Variants in MTHFD1 observed in about 807,000 individuals in gnomAD.
The protein encoded by MTHFD1 is methylenetetrahydrofolate dehydrogenase, cyclohydrolase and formyltetrahydrofolate synthetase 1, also known as C-1-tetrahydrofolate synthase, cytoplasmic.
A neutral mutation model predicts 110.3 loss-of-function variants in MTHFD1; 44 were observed. That is an observed-to-expected ratio of 0.40 (90% confidence interval 0.31 to 0.51). The LOEUF (loss-of-function observed/expected upper bound fraction) is 0.51. MTHFD1 is among the 20% of genes least tolerant of loss of function. MTHFD1 has a pLI of 0.60. For missense variants in MTHFD1, 909 were observed against 1,173.1 expected, an observed-to-expected ratio of 0.77 and a Z score of 3.29; for synonymous variants, 402 against 428.8, an observed-to-expected ratio of 0.94 and a Z score of 0.77.
chr14:64,418,081 A>C, intron 7 of MTHFD1, 57 bp downstream of exon 7: 1 of 1,603,254 alleles, frequency 6.2e-7, no homozygotes, highest in Non-Finnish European at 8.5e-7. Context: ...GGTGTGCCAG[A>C]GGCTGCCATG....
At chr14:64,396,350 C>T (rs190391574) in intron 1 of MTHFD1, among the ~76,000 whole-genome samples, 1 of 149,200 alleles carries the variant, frequency 6.7e-6, no homozygotes, top group African/African-American at 2.5e-5. Context: ...ATTATTTTTA[C>T]AAGGAACTAC....
At chr14:64,446,074 G>A (rs1250844728) in intron 22 of MTHFD1, among the ~76,000 whole-genome samples, 1 of 152,064 alleles carries the variant, frequency 6.6e-6, no homozygotes, top group African/African-American at 2.4e-5. Context: ...TATTTTTATA[G>A]AAGACTCTTT....
chr14:64,421,812 A>T (rs542753037), intron 8 of MTHFD1, among the ~76,000 whole-genome samples: 21 of 151,964 alleles, frequency 1.4e-4, no homozygotes, highest in Non-Finnish European at 1.5e-4. Flanking sequence ...TTTTTAGTAG[A>T]GACGGGGTTT....
intron 8 of MTHFD1, among the ~76,000 whole-genome samples, chr14:64,421,580 G>A (rs569266839): frequency 2.2e-4 from 33 of 152,044 alleles, no homozygotes; most frequent in South Asian, 4.2e-4. Context: ...GAATACTTGC[G>A]ATATGACATT....
intron 26 of MTHFD1, among the ~76,000 whole-genome samples, chr14:64,456,360 T>C (rs1174031003): frequency 6.6e-6 from 1 of 152,240 alleles, no homozygotes; most frequent in Non-Finnish European, 1.5e-5. Flanking sequence ...CTCAGATTAT[T>C]TGAATATTTT....
chr14:64,412,174 G>A (rs772582824), intron 3 of MTHFD1, among the ~76,000 whole-genome samples: 6 of 152,170 alleles, frequency 3.9e-5, no homozygotes, highest in African/African-American at 7.2e-5. Context: ...CAAAAAGGGG[G>A]AGGCAGATTT....
chr14:64,416,538 G>C (rs1475308394), intron 6 of MTHFD1, among the ~76,000 whole-genome samples: 2 of 152,088 alleles, frequency 1.3e-5, no homozygotes, highest in Non-Finnish European at 2.9e-5. Context: ...TTACTAGTTA[G>C]CACCTTGCTA....
At chr14:64,407,407 G>A (rs1291464544) in intron 2 of MTHFD1, among the ~76,000 whole-genome samples, 4 of 151,818 alleles carry the variant, frequency 2.6e-5, no homozygotes, top group East Asian at 1.9e-4. Flanking sequence ...TGAGGCTGCA[G>A]TGAGCTGTAA....
chr14:64,400,583 G>C (rs963564186), intron 1 of MTHFD1, among the ~76,000 whole-genome samples: 6 of 152,202 alleles, frequency 3.9e-5, no homozygotes, highest in Non-Finnish European at 7.3e-5. Flanking sequence ...AGCTACTCAG[G>C]AGGCTGGGGC....
At position 64,415,492 on chromosome 14, in the gene MTHFD1, TG is replaced by T. The variant is rs1463052803; in HGVS notation, c.377+1del. 1 of 1,614,174 alleles carries T rather than the reference TG, an allele frequency of 6.2e-7. No homozygotes were observed. Among genetic ancestry groups the T allele is most frequent in the Non-Finnish European group, 8.5e-7 (1 of 1,180,002 alleles). ...CTATTGCACCCGAGAAGGATGTGGA[TG>T]GGTAAGTGTGGCTTGGCTTCCTATG... ...NAIAPEKDVD[G>X]LTSINAGKLA... On this transcript the variant is annotated frameshift_variant and splice_region_variant, in exon 5 of 28. Coordinates refer to ENST00000652337, the MANE Select transcript of MTHFD1 (RefSeq NM_005956.4). LOFTEE classifies it high-confidence loss of function.
intron 22 of MTHFD1, among the ~76,000 whole-genome samples, chr14:64,447,776 C>T (rs2078305690): frequency 6.6e-6 from 1 of 152,094 alleles, no homozygotes; most frequent in South Asian, 2.1e-4. Context: ...TGTTGTTAGG[C>T]TCTGTCTTCT....
intron 19 of MTHFD1, chr14:64,441,722 G>C: frequency 1.8e-6 from 1 of 543,180 alleles, no homozygotes; most frequent in South Asian, 2.0e-5. Context: ...AGAATGGCGT[G>C]AACCTGGGAG....
chr14:64,401,846 G>A (rs892530665), intron 2 of MTHFD1, among the ~76,000 whole-genome samples: 8 of 151,978 alleles, frequency 5.3e-5, no homozygotes, highest in African/African-American at 1.9e-4. Context: ...GTGAAAAGAG[G>A]GGCATTATTT....
chr14:64,401,015 C>T (rs189474204), intron 2 of MTHFD1, 138 bp downstream of exon 2: 67 of 699,456 alleles, frequency 9.6e-5, no homozygotes, highest in South Asian at 7.6e-4. Context: ...TTGGCAGGCT[C>T]CCCCCTTTGG....
chr14:64,439,106 CA>C lies in MTHFD1; in HGVS notation c.1610del (p.Asn537MetfsTer5). On this transcript the variant is annotated frameshift_variant, in exon 17 of 28. Coordinates refer to ENST00000652337, the MANE Select transcript of MTHFD1 (RefSeq NM_005956.4). LOFTEE classifies it high-confidence loss of function. ...GCCTGTCTGCTGTAGTGTTGGATACCAATGATAGATTCCTGAGGAAGATCAC... is the reference window on the plus strand; with the variant it reads ...GCCTGTCTGCTGTAGTGTTGGATACCATGATAGATTCCTGAGGAAGATCAC... Reference protein sequence around the residue: ...TITWQRVLDTNDRFLRKITIG... With the variant: ...TITWQRVLDTXDRFLRKITIG... 6.2e-7 allele frequency: 1 copy of C among 1,613,420 alleles called. No individual in the cohort carries two copies. Among genetic ancestry groups the C allele is most frequent in the Non-Finnish European group, 8.5e-7 (1 of 1,179,448 alleles).
intron 13 of MTHFD1, 39 bp from the exon 14 acceptor site, chr14:64,431,493 A>G (rs1320267245): frequency 6.6e-7 from 1 of 1,518,508 alleles, no homozygotes; most frequent in Non-Finnish European, 9.1e-7. Flanking sequence ...AAAGATACAG[A>G]GCAGCTGGGA....
At position 64,426,625 on chromosome 14, in the gene MTHFD1, C is replaced by T. The variant is rs369180914; in HGVS notation, c.1127+433C>T. On this transcript the variant is annotated intron_variant, in intron 11 of 27. Transcript: ENST00000652337. ...AGCTGGGACTACAGGTGCAAGGCAC[C>T]ACACCCAGCTAATTTTTGTATTTTT... Among the ~76,000 whole-genome samples the T allele has an allele frequency of 7.9e-5, 12 of 152,218 alleles. No homozygotes were observed. In the South Asian group the frequency reaches 2.5e-3, roughly 32 times the overall value.
At position 64,411,070 on chromosome 14, in the gene MTHFD1, G is replaced by C; in HGVS notation, c.127-20G>C. 1.9e-6 allele frequency: 3 copies of C among 1,564,280 alleles called. No homozygotes were observed. The highest frequency in any genetic ancestry group is 2.6e-6 in the Non-Finnish European group (3 of 1,135,026). On this transcript the variant is annotated intron_variant, in intron 2 of 27. Transcript: ENST00000652337. ...TTGCCTTTCCCTAATCATCTGATTT[G>C]CATGCATTTATTATTCTAGGTTGGC...
Position 64,458,306 on chromosome 14 carries a change from A to G in MTHFD1, c.*3A>G. 1.2e-6 allele frequency: 2 copies of G among 1,606,230 alleles called. No homozygotes were observed. Among genetic ancestry groups the G allele is most frequent in the South Asian group, 1.1e-5 (1 of 90,940 alleles). ...AACAGGTGAATGGATTATTCTAAAC[A>G]GGTAAGTTGTTACTGGGTAATAATT... On this transcript the variant is annotated splice_region_variant and 3_prime_UTR_variant, in exon 27 of 28. Coordinates refer to ENST00000652337, the MANE Select transcript of MTHFD1 (RefSeq NM_005956.4).
Sources: gnomAD v4.1 joint callset for allele counts (sites outside exome capture counted in the v4.1 genomes callset) on GRCh38, gnomAD v4.1.1 for gene constraint, MANE v1.5 for transcripts, NCBI Gene and HGNC (gene_info 2026-07-23, HGNC 2026-07-21) for gene names.